The following ZNF317 variants were observed in gnomAD, a reference collection of about 807,000 sequenced individuals.
ZNF317 encodes zinc finger protein 317.
Under a neutral mutation model 23.4 loss-of-function variants are expected in ZNF317, and 17 were observed. That is an observed-to-expected ratio of 0.73 (90% CI 0.50 to 1.09). The LOEUF is 1.09. Among genes scored for constraint, ZNF317 ranks in the 50% least tolerant of loss-of-function variants. The pLI is 0.00. For missense variants in ZNF317, 679 were observed against 796.7 expected, an observed-to-expected ratio of 0.85 and a Z score of 1.78; for synonymous variants, 317 against 314.9, an observed-to-expected ratio of 1.01 and a Z score of -0.07.
chr19:9,148,415 T>C (rs1053628226), intron 1 of ZNF317, among the ~76,000 whole-genome samples: 2 of 152,206 alleles, frequency 1.3e-5, no homozygotes, highest in African/African-American at 4.8e-5. Flanking sequence ...TTGTCCTTCA[T>C]GGAGGGTGGT....
At chr19:9,140,828 C>T (rs1007350351) in intron 1 of ZNF317, among the ~76,000 whole-genome samples, 3 of 152,024 alleles carry the variant, frequency 2.0e-5, no homozygotes, top group Non-Finnish European at 4.4e-5. Flanking sequence ...CCTGAAAAGC[C>T]CTAAGTCTCT....
At chr19:9,149,319 C>T (rs6511895) in intron 1 of ZNF317, among the ~76,000 whole-genome samples, 36,686 of 151,690 alleles carry the variant, frequency 0.24, 4,896 homozygotes, top group African/African-American at 0.37. Context: ...ACTAAAAGTA[C>T]AAAAATTAGC....
chr19:9,156,993 G>A (rs1336060126), intron 3 of ZNF317: 9 of 638,498 alleles, frequency 1.4e-5, no homozygotes, highest in Non-Finnish European at 2.4e-5. Context: ...GAGACGGGGG[G>A]AAATAAAGGG....
At position 9,160,506 on chromosome 19, in the gene ZNF317, C is replaced by T. The variant is rs750408683; in HGVS notation, c.861C>T (p.Phe287=). The change falls in exon 7 of 7, where the codon TTC becomes TTT. Residue 287 remains phenylalanine, a synonymous_variant. Coordinates refer to ENST00000247956, the MANE Select transcript of ZNF317 (RefSeq NM_020933.5). The surrounding 1 kb of genome is among the most constrained non-coding windows in gnomAD (Gnocchi z 6.8). The part of the protein sequence containing the change: ...PFDCSQCGNA[F]RTLSALKIHM... ...ACTGCAGTCAGTGTGGAAATGCATTCCGGACCCTCTCGGCCCTGAAAATCC... is the reference window on the plus strand; with the variant it reads ...ACTGCAGTCAGTGTGGAAATGCATTTCGGACCCTCTCGGCCCTGAAAATCC... The T allele has an allele frequency of 2.5e-6, 4 of 1,614,156 alleles. No individual in the cohort carries two copies. The highest frequency in any genetic ancestry group is 3.4e-6 in the Non-Finnish European group (4 of 1,180,022).
intron 1 of ZNF317, among the ~76,000 whole-genome samples, chr19:9,143,109 G>T (rs574375053): frequency 6.6e-6 from 1 of 152,168 alleles, no homozygotes; most frequent in Non-Finnish European, 1.5e-5. Context: ...GTGTTGTTAT[G>T]ATGAGTAAAA....
rs1446081261 is a variant in ZNF317, at chr19:9,161,745, T to C, written c.*312T>C. On this transcript the variant is annotated 3_prime_UTR_variant, in exon 7 of 7. Coordinates refer to ENST00000247956, the MANE Select transcript of ZNF317 (RefSeq NM_020933.5). This position sits in a 1 kb window ranked among gnomAD's most constrained non-coding sequence, Gnocchi z 4.0. ...ATGTCAAAATCCAAGCCGTGGCATTTAATGTCAAAATGACTTCAGACCACT... is the reference window on the plus strand; with the variant it reads ...ATGTCAAAATCCAAGCCGTGGCATTCAATGTCAAAATGACTTCAGACCACT... The C allele has an allele frequency of 9.6e-6, 3 of 313,196 alleles. No individual in the cohort carries two copies. The highest frequency in any genetic ancestry group is 1.8e-5 in the Non-Finnish European group (3 of 167,956). 19.4% of individuals were successfully genotyped at this position (313,196 alleles called of 1,614,324 possible).
rs577433015 is a variant in ZNF317, at chr19:9,140,428, G to A, written c.-257G>A. On this transcript the variant is annotated 5_prime_UTR_variant, in exon 1 of 7. Coordinates refer to ENST00000247956, the MANE Select transcript of ZNF317 (RefSeq NM_020933.5). ...GCGGAAGCCATTACTCTCTGGAGTC[G>A]ATTGCCCCGAGACACATGGGCCAAG... 5 of 441,472 alleles carry A rather than the reference G, an allele frequency of 1.1e-5. No individual in the cohort carries two copies. Among genetic ancestry groups the A allele is most frequent in the South Asian group, 8.0e-5 (5 of 62,824 alleles). 27.3% of individuals were successfully genotyped at this position (441,472 alleles called of 1,614,324 possible).
At chr19:9,140,932 A>G (rs1262811804) in intron 1 of ZNF317, among the ~76,000 whole-genome samples, 1 of 152,064 alleles carries the variant, frequency 6.6e-6, no homozygotes, top group Non-Finnish European at 1.5e-5. Context: ...TCGCGAGGAG[A>G]AATCACCTTC....
At chr19:9,156,849 G>T in intron 3 of ZNF317, 101 bp downstream of exon 3, 2 of 1,437,328 alleles carry the variant, frequency 1.4e-6, no homozygotes, top group Non-Finnish European at 1.9e-6. Flanking sequence ...TCAGCCAGTG[G>T]ATGCCAGAAC....
At chr19:9,146,020 C>T (rs2145941406) in intron 1 of ZNF317, among the ~76,000 whole-genome samples, 1 of 152,002 alleles carries the variant, frequency 6.6e-6, no homozygotes, top group Non-Finnish European at 1.5e-5. Context: ...TGTGTATAAT[C>T]TAAAAGCTAT....
At chr19:9,156,776 G>A in intron 3 of ZNF317, 28 bp downstream of exon 3, 3 of 1,606,516 alleles carry the variant, frequency 1.9e-6, no homozygotes, top group Non-Finnish European at 2.6e-6. Context: ...GGTCCCTAGA[G>A]CAGGAGAGGC....
In ZNF317 at chr19:9,156,643, G is replaced by A. The variant is rs3752199; in HGVS notation, c.57G>A (p.Gln19=). 3 of 1,613,860 alleles carry A rather than the reference G, an allele frequency of 1.9e-6. No homozygotes were observed. Among genetic ancestry groups the A allele is most frequent in the Admixed American group, 1.7e-5 (1 of 59,978 alleles). The change falls in exon 3 of 7, where the codon CAG becomes CAA. Residue 19 remains glutamine (Q), a synonymous_variant. Transcript: ENST00000247956. ...ATSTQDSTCL[Q]DSEFPVSSKD... ...CCACCCAGGATTCCACCTGTCTCCA[G>A]GACTCAGAATTTCCTGTTTCTTCAA...
intron 1 of ZNF317, among the ~76,000 whole-genome samples, chr19:9,148,375 C>T (rs916480576): frequency 1.4e-4 from 21 of 152,194 alleles, no homozygotes; most frequent in African/African-American, 5.1e-4. Flanking sequence ...GATGTGGGTG[C>T]GCTCTCTAAG....
At chr19:9,147,330 GTTTTT>G (rs35259257) in intron 1 of ZNF317, among the ~76,000 whole-genome samples, 5 of 110,156 alleles carry the variant, frequency 4.5e-5, no homozygotes, top group African/African-American at 1.2e-4. Context: ...AATGACACTG[GTTTTT>G]TTTTTTTTTT....
At chr19:9,156,810 G>T in intron 3 of ZNF317, 62 bp downstream of exon 3, 1 of 1,568,566 alleles carries the variant, frequency 6.4e-7, no homozygotes, top group Non-Finnish European at 8.6e-7. Flanking sequence ...CCCCACCAGT[G>T]CATGCTGGAA....
chr19:9,158,831 G>A lies in ZNF317; in HGVS notation c.391G>A (p.Glu131Lys). Residue 131 changes from glutamate to lysine, a missense_variant, in exon 6 of 7, where the codon GAG becomes AAG. Coordinates refer to ENST00000247956, the MANE Select transcript of ZNF317 (RefSeq NM_020933.5). ...ACTTTTCCAATTTGTTTCAGATTGG[G>A]AGACTCCATCTAAAACCAAGTGGTC... ...GAHQGACADWETPSKTKWSLL... is the reference protein window; with the variant it reads ...GAHQGACADWKTPSKTKWSLL... 2 of 1,604,732 alleles carry A rather than the reference G, an allele frequency of 1.2e-6. No homozygotes were observed. The highest frequency in any genetic ancestry group is 1.7e-6 in the Non-Finnish European group (2 of 1,171,420).
At chr19:9,157,521 A>C (rs2050797235) in intron 4 of ZNF317, 127 bp downstream of exon 4, 2 of 1,236,406 alleles carry the variant, frequency 1.6e-6, no homozygotes, top group East Asian at 2.5e-5. Context: ...CCCAGCACCC[A>C]TGCTTAATGG....
rs1266323052 is a variant in ZNF317, at chr19:9,160,257, G to C, written c.612G>C (p.Lys204Asn). 1 of 1,614,180 alleles carries C rather than the reference G, an allele frequency of 6.2e-7. No individual in the cohort carries two copies. Residue 204 changes from lysine to asparagine, a missense_variant, in exon 7 of 7, where the codon AAG becomes AAC. By Grantham distance (94) the Lys-to-Asn change is moderately conservative. Coordinates refer to ENST00000247956, the MANE Select transcript of ZNF317 (RefSeq NM_020933.5). The surrounding 1 kb of genome is among the most constrained non-coding windows in gnomAD (Gnocchi z 6.8). ...YHRRDYGVAF[K>N]GRPHLTQHMS... ...GCCGCGACTATGGGGTAGCGTTCAAGGGCAGGCCGCACCTCACTCAGCACA... is the reference window on the plus strand; with the variant it reads ...GCCGCGACTATGGGGTAGCGTTCAACGGCAGGCCGCACCTCACTCAGCACA...
At chr19:9,158,997 G>A in intron 6 of ZNF317, 89 bp downstream of exon 6, 2 of 849,150 alleles carry the variant, frequency 2.4e-6, no homozygotes, top group Non-Finnish European at 4.0e-6. Flanking sequence ...TCAACACCAG[G>A]GCAAGCAGCT....
Sources: allele counts gnomAD v4.1 joint callset (sites outside exome capture counted in the v4.1 genomes callset), GRCh38; gene constraint gnomAD v4.1.1; non-coding constraint Gnocchi (gnomAD v3.1); transcripts MANE v1.5; gene names NCBI Gene and HGNC (gene_info 2026-07-23, HGNC 2026-07-21).